The following CPNE7 variants were observed in gnomAD, a reference collection of about 807,000 sequenced individuals.
CPNE7 encodes copine-7.
CPNE7 carries 78 observed loss-of-function variants against 66.5 expected under a neutral mutation model. That is an observed-to-expected ratio of 1.17 (90% CI 0.98 to 1.42). The LOEUF is 1.42. CPNE7 is among the 40% of genes most tolerant of loss of function. CPNE7 has a pLI of 0.00. For synonymous variants in CPNE7, 468 were observed against 336.7 expected (o/e 1.39, Z -4.27); for missense variants, 1,012 against 776.6 (o/e 1.30, Z -3.60).
chr16:89,588,304 G>A (rs2059116039), intron 9 of CPNE7, among the ~76,000 whole-genome samples: 3 of 152,246 alleles, frequency 2.0e-5, no homozygotes, highest in South Asian at 2.1e-4. Flanking sequence ...ATGGCTTTGG[G>A]AGAAGCCAGC....
In CPNE7 at chr16:89,591,780, A is replaced by G. The variant is rs528465430; in HGVS notation, c.1302+520A>G. ...AGTGATGTGATCCCAGCTCACTGCA[A>G]CCTCTGCTTCCCGGGGTTCACGCCA... On this transcript the variant is annotated intron_variant, in intron 13 of 14. Coordinates refer to ENST00000319518, the MANE Select transcript of CPNE7 (RefSeq NM_153636.3). 9.8e-4 allele frequency among the ~76,000 whole-genome samples: 149 copies of G among 151,910 alleles called. 1 individual carries two copies. The highest frequency in any genetic ancestry group is 1.6e-3 in the Non-Finnish European group (107 of 67,960).
chr16:89,578,913 C>A, intron 2 of CPNE7: 1 of 1,613,650 alleles, frequency 6.2e-7, no homozygotes, highest in African/African-American at 1.3e-5. Context: ...ATGTGCTGGG[C>A]CCTGCTGGAC....
chr16:89,585,698 G>A lies in CPNE7; in HGVS notation c.693G>A (p.Trp231Ter), dbSNP rs1369202416. The A allele has an allele frequency of 1.3e-6, 2 of 1,552,306 alleles. No homozygotes were observed. The highest frequency in any genetic ancestry group is 8.7e-7 in the Non-Finnish European group (1 of 1,147,810). Residue 231 changes from tryptophan (W) to a stop codon, truncating the protein, a stop_gained, in exon 7 of 15, where the codon TGG (tryptophan) becomes TGA (stop). Transcript: ENST00000319518. LOFTEE classifies it high-confidence loss of function. ...EETRPLKCLV[W>*]DYDSRGKHDF... ...ACTGGGCTCCCCAGTGCCTGGTCTGGGATTACGACTCTCGAGGAAAGCACG... is the reference window on the plus strand; with the variant it reads ...ACTGGGCTCCCCAGTGCCTGGTCTGAGATTACGACTCTCGAGGAAAGCACG...
At chr16:89,588,636 C>G (rs1422413778) in intron 9 of CPNE7, 39 bp from the exon 10 acceptor site, 2 of 1,610,962 alleles carry the variant, frequency 1.2e-6, no homozygotes, top group Non-Finnish European at 8.5e-7. Context: ...TTCGGGGAGC[C>G]CCGGCCCAGC....
intron 8 of CPNE7, 115 bp downstream of exon 8, chr16:89,586,871 G>C: frequency 2.6e-6 from 3 of 1,155,736 alleles, no homozygotes; most frequent in Middle Eastern, 2.1e-4. Flanking sequence ...GCACGTCTGG[G>C]GAGGGGCTGA....
rs376670097 is a variant in CPNE7 at position 89,588,811 on chromosome 16, G to A, written c.1061+3G>A. On this transcript the variant is annotated splice_donor_region_variant and intron_variant, in intron 10 of 14. Transcript: ENST00000319518. ...GAGATCTGCCAGGACTATGACAGGTGCGCCCACCACCTTCCCCTCACCCCC... is the reference window on the plus strand; with the variant it reads ...GAGATCTGCCAGGACTATGACAGGTACGCCCACCACCTTCCCCTCACCCCC... 20 of 1,613,100 alleles carry A rather than the reference G, an allele frequency of 1.2e-5. No homozygotes were observed. Among genetic ancestry groups the A allele is most frequent in the East Asian group, 6.7e-5 (3 of 44,870 alleles).
At position 89,589,343 on chromosome 16, in the gene CPNE7, C is replaced by G. The variant is rs562029493; in HGVS notation, c.1061+535C>G. On this transcript the variant is annotated intron_variant, in intron 10 of 14. Transcript: ENST00000319518. ...GCTGGGTAGCCCTACTGGAGGCTGCCGCATAGACTCTGCACATGGTCCTGG... is the reference window on the plus strand; with the variant it reads ...GCTGGGTAGCCCTACTGGAGGCTGCGGCATAGACTCTGCACATGGTCCTGG... Among the ~76,000 whole-genome samples, 78 of 152,296 alleles carry G rather than the reference C, an allele frequency of 5.1e-4. 2 individuals are homozygous for G. The South Asian group carries it at 0.013, about 26-fold the overall frequency.
intron 5 of CPNE7, among the ~76,000 whole-genome samples, chr16:89,585,081 GATT>G (rs1179803582): frequency 6.6e-6 from 1 of 152,214 alleles, no homozygotes; most frequent in Non-Finnish European, 1.5e-5. Flanking sequence ...TCGTGGCTGT[GATT>G]ATTTTTAGAC....
Position 89,575,861 on chromosome 16 carries a change from C to T in CPNE7, c.-37C>T. 2 of 1,185,910 alleles carry T rather than the reference C, an allele frequency of 1.7e-6. No individual in the cohort carries two copies. The highest frequency in any genetic ancestry group is 1.0e-6 in the Non-Finnish European group (1 of 958,586). 73.5% of individuals were successfully genotyped at this position (1,185,910 alleles called of 1,614,324 possible). ...GGCGCCGACTCGCGGGCAGCGGCCCCTCAGTGCGCCCAGCCGGGCCCCCGA... is the reference window on the plus strand; with the variant it reads ...GGCGCCGACTCGCGGGCAGCGGCCCTTCAGTGCGCCCAGCCGGGCCCCCGA... On this transcript the variant is annotated 5_prime_UTR_variant, in exon 1 of 15. Coordinates refer to ENST00000319518, the MANE Select transcript of CPNE7 (RefSeq NM_153636.3).
rs1307083795 is a variant in CPNE7 at position 89,577,540 on chromosome 16, T to G, written c.176T>G (p.Val59Gly). The G allele has an allele frequency of 6.4e-7, 1 of 1,551,192 alleles. No individual in the cohort carries two copies. Among genetic ancestry groups the G allele is most frequent in the South Asian group, 1.2e-5 (1 of 84,024 alleles). Reference protein sequence around the residue: ...LQQAQGQWVQVGRTEVVRSSL... With the variant: ...LQQAQGQWVQGGRTEVVRSSL... ...GTCGGCTCACAGGTGCACTTGCAGG[T>G]GGGCAGAACCGAGGTGGTCCGGAGC... The change falls in exon 2 of 15, where the codon GTG becomes GGG. Residue 59 changes from valine to glycine, a missense_variant and splice_region_variant. Val to Gly is a moderately radical substitution (Grantham distance 109). Coordinates refer to ENST00000319518, the MANE Select transcript of CPNE7 (RefSeq NM_153636.3).
In CPNE7 at chr16:89,587,107, GTCCA is replaced by G. The variant is rs2059055543; in HGVS notation, c.927+7_927+10del. The G allele has an allele frequency of 6.5e-7, 1 of 1,545,370 alleles. No homozygotes were observed. Among genetic ancestry groups the G allele is most frequent in the Non-Finnish European group, 8.7e-7 (1 of 1,144,758 alleles). On this transcript the variant is annotated splice_donor_region_variant and intron_variant, in intron 9 of 14. Transcript: ENST00000319518. ...GGCTGCCAGATCCACTTCACCGTGA[GTCCA>G]TGGCCCCGCCCCATGCCGCCCCCTC...
Position 89,584,170 on chromosome 16 carries a change from C to T in CPNE7, c.507+68C>T. 2 of 1,498,602 alleles carry T rather than the reference C, an allele frequency of 1.3e-6. No homozygotes were observed. Among genetic ancestry groups the T allele is most frequent in the East Asian group, 4.6e-5 (2 of 43,942 alleles). The allele number at this position is 1,498,602 out of a possible 1,614,324, so 92.8% of individuals were successfully genotyped here. On this transcript the variant is annotated intron_variant, in intron 4 of 14. Coordinates refer to ENST00000319518, the MANE Select transcript of CPNE7 (RefSeq NM_153636.3). This position sits in a 1 kb window ranked among gnomAD's most constrained non-coding sequence, Gnocchi z 6.0. ...GGGAACCGGTTCGAAAACCCGGTCC[C>T]TGCCCAGCGCTGACCTCGCGTGGCT...
At chr16:89,593,865 C>T (rs1158394685) in intron 13 of CPNE7, among the ~76,000 whole-genome samples, 1 of 152,190 alleles carries the variant, frequency 6.6e-6, no homozygotes, top group Non-Finnish European at 1.5e-5. Flanking sequence ...GGATTGCGTT[C>T]AGCTGTTATG....
chr16:89,587,130 C>A (rs764539494), intron 9 of CPNE7, 28 bp downstream of exon 9: 2 of 1,333,848 alleles, frequency 1.5e-6, no homozygotes, highest in East Asian at 2.5e-5. Flanking sequence ...CCCCATGCCG[C>A]CCCCTCAGTC....
intron 1 of CPNE7, among the ~76,000 whole-genome samples, chr16:89,577,191 C>A (rs1030970025): frequency 1.3e-5 from 2 of 152,160 alleles, no homozygotes; most frequent in South Asian, 4.1e-4. Context: ...GTACCCTACG[C>A]CCCCTCCCCA....
Position 89,595,515 on chromosome 16 carries a change from A to G in CPNE7, c.1451A>G (p.Asp484Gly), listed in dbSNP as rs147195119. 2.2e-5 allele frequency: 36 copies of G among 1,612,434 alleles called. No homozygotes were observed. The highest frequency in any genetic ancestry group is 3.1e-5 in the Non-Finnish European group (36 of 1,179,878). ...NADFTDMQVL[D>G]GDDGVLRSPR... ...GACTTCACCGACATGCAGGTCCTGG[A>G]CGGCGACGACGGCGTCCTGCGCTCC... Residue 484 changes from aspartate to glycine, a missense_variant, in exon 14 of 15, where the codon GAC becomes GGC. Physicochemically the swap from Asp to Gly is moderately conservative, Grantham distance 94. Transcript: ENST00000319518.
intron 12 of CPNE7, 32 bp from the exon 13 acceptor site, chr16:89,591,095 G>A (rs372556803): frequency 1.2e-5 from 19 of 1,613,048 alleles, no homozygotes; most frequent in East Asian, 8.9e-5. Context: ...GGGGAGTGCA[G>A]GGGGGCCGGG....
intron 11 of CPNE7, 94 bp downstream of exon 11, chr16:89,590,045 GCT>G: frequency 7.2e-7 from 1 of 1,397,056 alleles, no homozygotes; most frequent in Non-Finnish European, 1.0e-6. Flanking sequence ...CTGGCTGCCT[GCT>G]GGGAACCGGA....
rs1216396317 is a variant in CPNE7 at position 89,584,171 on chromosome 16, T to C, written c.507+69T>C. The C allele has an allele frequency of 6.7e-7, 1 of 1,493,558 alleles. No individual in the cohort carries two copies. The highest frequency in any genetic ancestry group is 9.2e-7 in the Non-Finnish European group (1 of 1,090,738). 92.5% of individuals were successfully genotyped at this position (1,493,558 alleles called of 1,614,324 possible). On this transcript the variant is annotated intron_variant, in intron 4 of 14. Coordinates refer to ENST00000319518, the MANE Select transcript of CPNE7 (RefSeq NM_153636.3). This position sits in a 1 kb window ranked among gnomAD's most constrained non-coding sequence, Gnocchi z 6.0. The stretch of plus-strand genomic sequence containing the variant: ...GGAACCGGTTCGAAAACCCGGTCCC[T>C]GCCCAGCGCTGACCTCGCGTGGCTA...
Sources: gnomAD v4.1 joint callset for allele counts (sites outside exome capture counted in the v4.1 genomes callset) on GRCh38, gnomAD v4.1.1 for gene constraint, Gnocchi (gnomAD v3.1) non-coding constraint, MANE v1.5 for transcripts, NCBI Gene and HGNC (gene_info 2026-07-23, HGNC 2026-07-21) for gene names.